The following PACSIN2 variants were observed in gnomAD, a reference collection of about 807,000 sequenced individuals.
The protein encoded by PACSIN2 is protein kinase C and casein kinase substrate in neurons protein 2.
PACSIN2 carries 25 observed loss-of-function variants against 63.8 expected under a neutral mutation model. The observed-to-expected ratio is 0.39, with a 90% CI of 0.29 to 0.55. PACSIN2 has a LOEUF of 0.55. PACSIN2 is among the 20% of genes least tolerant of loss of function. The probability of loss-of-function intolerance (pLI) is 0.62; values close to 1 mark genes in which losing one functional copy is unlikely to be tolerated. For missense variants in PACSIN2, 518 were observed against 646.9 expected (o/e 0.80, Z 2.16); for synonymous variants, 255 against 256.2 (o/e 1.00, Z 0.05).
At chr22:42,927,568 T>G (rs748429954) in intron 1 of PACSIN2, among the ~76,000 whole-genome samples, 11 of 150,182 alleles carry the variant, frequency 7.3e-5, no homozygotes, top group South Asian at 2.1e-4. Context: ...TATTTATTTA[T>G]TTATTTAGTT....
At chr22:42,912,538 T>A (rs1399829515) in intron 1 of PACSIN2, among the ~76,000 whole-genome samples, 2 of 152,212 alleles carry the variant, frequency 1.3e-5, no homozygotes, top group East Asian at 3.8e-4. Flanking sequence ...ATTCCACTTG[T>A]GTGAGCACTG....
intron 1 of PACSIN2, among the ~76,000 whole-genome samples, chr22:42,934,202 C>T (rs970284732): frequency 6.6e-6 from 1 of 152,218 alleles, no homozygotes; most frequent in Non-Finnish European, 1.5e-5. Context: ...GTGCAGAGAG[C>T]ACTGAGGCTT....
At chr22:42,936,501 C>A (rs1245734124) in intron 1 of PACSIN2, among the ~76,000 whole-genome samples, 1 of 152,116 alleles carries the variant, frequency 6.6e-6, no homozygotes, top group African/African-American at 2.4e-5. Context: ...TCTAAGGGGA[C>A]ATGAAGCATA....
At chr22:42,963,260 G>A (rs915312338) in intron 1 of PACSIN2, among the ~76,000 whole-genome samples, 3 of 152,172 alleles carry the variant, frequency 2.0e-5, no homozygotes, top group East Asian at 1.9e-4. Flanking sequence ...GGGACATCTC[G>A]TGCTGGTTCT....
intron 3 of PACSIN2, among the ~76,000 whole-genome samples, chr22:42,891,992 T>C (rs986006254): frequency 6.6e-6 from 1 of 152,150 alleles, no homozygotes; most frequent in African/African-American, 2.4e-5. Context: ...TTGAGAACAC[T>C]GTGGAATGAG....
chr22:42,996,489 G>A (rs1005328988), intron 1 of PACSIN2, among the ~76,000 whole-genome samples: 1 of 145,062 alleles, frequency 6.9e-6, no homozygotes, highest in Non-Finnish European at 1.5e-5. Context: ...CCAAGATCGA[G>A]CCACTGCACT....
chr22:42,896,593 T>A (rs73886168), intron 2 of PACSIN2, among the ~76,000 whole-genome samples: 3,844 of 152,340 alleles, frequency 0.025, 155 homozygotes, highest in African/African-American at 0.089. Context: ...GCTATAACGT[T>A]CATCTATTGG....
intron 1 of PACSIN2, among the ~76,000 whole-genome samples, chr22:42,998,754 C>T (rs7287136): frequency 0.029 from 4,424 of 152,276 alleles, 96 homozygotes; most frequent in African/African-American, 0.036. Context: ...TTCCTGTTTT[C>T]GCACCCAAAT....
At chr22:42,884,347 C>T in intron 6 of PACSIN2, 39 bp downstream of exon 6, 7 of 1,579,736 alleles carry the variant, frequency 4.4e-6, no homozygotes, top group Non-Finnish European at 6.0e-6. Context: ...TTTCCGTTGA[C>T]TTCAATGACG....
chr22:42,983,860 A>G (rs1922418477), intron 1 of PACSIN2, among the ~76,000 whole-genome samples: 1 of 152,110 alleles, frequency 6.6e-6, no homozygotes, highest in African/African-American at 2.4e-5. Context: ...CATGAGACAG[A>G]TACTTAATGA....
At chr22:42,921,785 C>G (rs1932213113) in intron 1 of PACSIN2, among the ~76,000 whole-genome samples, 1 of 151,116 alleles carries the variant, frequency 6.6e-6, no homozygotes, top group African/African-American at 2.4e-5. Flanking sequence ...ATTGCCCAGG[C>G]TGGAGTGCAG....
chr22:42,989,280 T>C (rs1171812260), intron 1 of PACSIN2, among the ~76,000 whole-genome samples: 2 of 151,488 alleles, frequency 1.3e-5, no homozygotes, highest in African/African-American at 4.9e-5. Context: ...GTGGATCACC[T>C]GAGGTCAGGA....
chr22:43,006,173 C>G (rs1175443702), intron 1 of PACSIN2, among the ~76,000 whole-genome samples: 2 of 152,086 alleles, frequency 1.3e-5, no homozygotes, highest in East Asian at 3.8e-4. Context: ...CAGCAATCCG[C>G]AACATGAAAA....
Position 42,891,045 on chromosome 22 carries a change from C to T in PACSIN2, c.355G>A (p.Ala119Thr). The part of the protein sequence containing the change: ...FEKIKNWQKE[A>T]FHKQMMGGFK... ...CCGCCCATCATCTGCTTGTGAAAGG[C>T]TTCCTTCTGCCAGTTCTTGATCTTC... Residue 119 changes from alanine (A) to threonine (T), a missense_variant, in exon 4 of 11, where the codon GCC (alanine) becomes ACC (threonine). Physicochemically the swap from Ala to Thr is moderately conservative, Grantham distance 58. Around this residue, in one of 2 missense-constraint regions of PACSIN2, gnomAD observed 507 missense variants for 612.3 expected, o/e 0.83. Coordinates refer to ENST00000263246, the MANE Select transcript of PACSIN2 (RefSeq NM_001184970.3). 1 of 1,614,172 alleles carries T rather than the reference C, an allele frequency of 6.2e-7. No homozygotes were observed. The highest frequency in any genetic ancestry group is 8.5e-7 in the Non-Finnish European group (1 of 1,180,036).
At chr22:42,951,511 G>T (rs1310418839) in intron 1 of PACSIN2, among the ~76,000 whole-genome samples, 1 of 152,124 alleles carries the variant, frequency 6.6e-6, no homozygotes, top group Admixed American at 6.5e-5. Flanking sequence ...CTCCCCCTGG[G>T]AGGCTCACGG....
At chr22:42,992,013 C>T (rs1044334840) in intron 1 of PACSIN2, among the ~76,000 whole-genome samples, 4 of 152,156 alleles carry the variant, frequency 2.6e-5, no homozygotes, top group African/African-American at 9.7e-5. Context: ...AACAAATTGA[C>T]TTCAGCAAAT....
At position 42,916,445 on chromosome 22, in the gene PACSIN2, G is replaced by A. The variant is rs1931814397; in HGVS notation, c.-77-4288C>T. 2.6e-5 allele frequency among the ~76,000 whole-genome samples: 4 copies of A among 152,070 alleles called. No individual in the cohort carries two copies. In the South Asian group the frequency reaches 6.2e-4, roughly 24 times the overall value. On this transcript the variant is annotated intron_variant, in intron 1 of 10. Transcript: ENST00000263246. ...GTGGGGAAGGGGGGCCTTGAGGGCA[G>A]GCACCGAGCTGAGTTCTCAATGACA...
At chr22:42,956,138 T>A (rs1468315239) in intron 1 of PACSIN2, among the ~76,000 whole-genome samples, 1 of 152,232 alleles carries the variant, frequency 6.6e-6, no homozygotes, top group South Asian at 2.1e-4. Flanking sequence ...TGACTGAGTA[T>A]GAAATTCATA....
chr22:42,984,601 G>T lies in PACSIN2; in HGVS notation c.-78+30420C>A, dbSNP rs112309081. ...CGGGTTGACAACACCTGCTGCAAAG[G>T]TTCCTGGTGCAAAAACTACTCCCTT... On this transcript the variant is annotated intron_variant, in intron 1 of 10. Transcript: ENST00000263246. Among the ~76,000 whole-genome samples, 600 of 152,300 alleles carry T rather than the reference G, an allele frequency of 3.9e-3. 4 individuals carry two copies. The highest frequency in any genetic ancestry group is 0.014 in the African/African-American group (581 of 41,568).
Sources: allele counts gnomAD v4.1 joint callset (sites outside exome capture counted in the v4.1 genomes callset), GRCh38; gene constraint gnomAD v4.1.1; regional missense constraint gnomAD v4.1.1; transcripts MANE v1.5; gene names NCBI Gene and HGNC (gene_info 2026-07-23, HGNC 2026-07-21).